Variants in FBXL18 observed in about 807,000 individuals in gnomAD.
The protein encoded by FBXL18 is F-box and leucine rich repeat protein 18, also known as F-box/LRR-repeat protein 18.
FBXL18 carries 36 observed loss-of-function variants against 46.0 expected under a neutral mutation model. The ratio of observed to expected loss-of-function variants is 0.78; its 90% CI spans 0.60 to 1.03. FBXL18 has a LOEUF of 1.03. FBXL18 is among the 50% of genes least tolerant of loss of function. The pLI, the probability that FBXL18 is intolerant of heterozygous loss-of-function variation, is 0.00. For synonymous variants in FBXL18, 557 were observed against 465.3 expected (o/e 1.20, Z -2.54); for missense variants, 977 against 1,004.1 (o/e 0.97, Z 0.36).
downstream of FBXL18, among the ~76,000 whole-genome samples, chr7:5,472,446 G>A (rs554192155): frequency 8.5e-5 from 13 of 152,276 alleles, no homozygotes; most frequent in South Asian, 1.0e-3. Context: ...TTCTGGAGAC[G>A]CTTGCTCTTG....
intron 3 of FBXL18, among the ~76,000 whole-genome samples, chr7:5,498,541 C>T (rs535460045): frequency 2.6e-5 from 4 of 152,294 alleles, no homozygotes; most frequent in East Asian, 3.9e-4. Context: ...AGGCGTGAGC[C>T]GCCACGCCCG....
At chr7:5,487,176 C>T (rs4623325) in intron 4 of FBXL18, among the ~76,000 whole-genome samples, 54,102 of 152,186 alleles carry the variant, frequency 0.36, 10,322 homozygotes, top group South Asian at 0.47. Flanking sequence ...CCGGTCAGAC[C>T]CTGTCTGCAG....
In FBXL18 at chr7:5,481,974, C is replaced by T. The variant is rs567334269; in HGVS notation, c.2001-43G>A. On this transcript the variant is annotated intron_variant, in intron 4 of 4. Transcript: ENST00000382368. ...GGTCAGCGGATTACATGGGTGGCCACGGAGGGGGCGGAGCCTGCTGGGGAA... is the reference window on the plus strand; with the variant it reads ...GGTCAGCGGATTACATGGGTGGCCATGGAGGGGGCGGAGCCTGCTGGGGAA... 267 of 1,558,910 alleles carry T rather than the reference C, an allele frequency of 1.7e-4. 1 individual carries two copies. In the South Asian group the frequency reaches 2.1e-3, roughly 12 times the overall value.
At chr7:5,465,284 T>A (rs1197347877) in intron 4 of FBXL18, among the ~76,000 whole-genome samples, 3 of 151,902 alleles carry the variant, frequency 2.0e-5, no homozygotes, top group Non-Finnish European at 2.9e-5. Context: ...TACTGCAACC[T>A]CCGCCTCCCT....
Position 5,477,495 on chromosome 7 carries a change from G to C in FBXL18, c.*4280C>G, listed in dbSNP as rs891499720. ...AGGCAGGAGAATCACTTGAGGTCAG[G>C]AGTTCAAGGCCAGCCTGACCAACAT... On this transcript the variant is annotated 3_prime_UTR_variant, in exon 5 of 5. Transcript: ENST00000382368. This position sits in a 1 kb window ranked among gnomAD's most constrained non-coding sequence, Gnocchi z 4.4. Among the ~76,000 whole-genome samples the C allele has an allele frequency of 2.0e-5, 3 of 152,098 alleles. No homozygotes were observed. Among genetic ancestry groups the C allele is most frequent in the Non-Finnish European group, 4.4e-5 (3 of 68,034 alleles).
intron 1 of FBXL18, among the ~76,000 whole-genome samples, chr7:5,507,261 C>T (rs1784416904): frequency 6.6e-6 from 1 of 152,148 alleles, no homozygotes; most frequent in African/African-American, 2.4e-5. Flanking sequence ...CCTATCTGCA[C>T]ACCCCACACG....
intron 4 of FBXL18, among the ~76,000 whole-genome samples, chr7:5,465,548 C>T (rs1423990739): frequency 6.6e-6 from 1 of 152,052 alleles, no homozygotes; most frequent in Non-Finnish European, 1.5e-5. Context: ...GATCATAGCT[C>T]ACGGCAGCTT....
chr7:5,490,185 G>A lies in FBXL18; in HGVS notation c.2000+1046C>T, dbSNP rs760173974. 1.1e-5 allele frequency: 15 copies of A among 1,344,654 alleles called. No homozygotes were observed. The South Asian group carries it at 1.7e-4, about 15-fold the overall frequency. The allele number at this position is 1,344,654 out of a possible 1,614,324, so 83.3% of individuals were successfully genotyped here. ...CTTCTCGCAACTCTGTGAACAGCTG[G>A]GGCCTCCTTCCTGTCACCTCTCCCC... On this transcript the variant is annotated intron_variant, in intron 4 of 4. Coordinates refer to ENST00000382368, the MANE Select transcript of FBXL18 (RefSeq NM_024963.6).
chr7:5,502,030 G>A lies in FBXL18; in HGVS notation c.239C>T (p.Ala80Val), dbSNP rs201456080. Reference sequence around the variant, plus strand: ...CAGCTGCCTCACTTTGTCCTCGCTCGCCTGCGGGACAGAGGCAGGGTGGGG... The same window carrying A: ...CAGCTGCCTCACTTTGTCCTCGCTCACCTGCGGGACAGAGGCAGGGTGGGG... The part of the protein sequence containing the change: ...HTVLLQKDYQ[A>V]SEDKVRQLVK... Residue 80 changes from alanine to valine, a missense_variant and splice_region_variant, in exon 3 of 5, where the codon GCG becomes GTG. Physicochemically the swap from Ala to Val is moderately conservative, Grantham distance 64. Coordinates refer to ENST00000382368, the MANE Select transcript of FBXL18 (RefSeq NM_024963.6). The A allele has an allele frequency of 5.5e-4, 873 of 1,578,334 alleles. 3 individuals are homozygous for A. The highest frequency in any genetic ancestry group is 1.7e-3 in the South Asian group (144 of 86,020).
At position 5,500,688 on chromosome 7, in the gene FBXL18, G is replaced by T. The variant is rs577039942; in HGVS notation, c.1581C>A (p.Ile527=). ...QSVGDSEVAA[I]GQLAFLRHLT... is the part of the protein sequence containing the mutation. ...GGTGCCGCAGGAAGGCCAGCTGGCC[G>T]ATGGCGGCCACCTCCGAGTCCCCGA... is the stretch of plus-strand genomic sequence containing the variant. Residue 527 remains isoleucine (I), a synonymous_variant, in exon 3 of 5, where the codon ATC becomes ATA. Coordinates refer to ENST00000382368, the MANE Select transcript of FBXL18 (RefSeq NM_024963.6). 2 of 1,610,518 alleles carry T rather than the reference G, an allele frequency of 1.2e-6. No homozygotes were observed. The highest frequency in any genetic ancestry group is 4.5e-5 in the East Asian group (2 of 44,804).
At chr7:5,508,453 A>T (rs1178541171) in intron 1 of FBXL18, among the ~76,000 whole-genome samples, 2 of 151,110 alleles carry the variant, frequency 1.3e-5, no homozygotes, top group African/African-American at 4.9e-5. Flanking sequence ...AAAAAAAAAA[A>T]AAAAAATTAG....
chr7:5,505,527 C>A lies in FBXL18; in HGVS notation c.122G>T (p.Ser41Ile). The part of the protein sequence containing the change: ...FSDEILLHIL[S>I]HVPSTDLILN... ...AATCAGATCTGTGCTGGGGACGTGA[C>A]TCAGGATGTGAAGGAGGATCTCATC... The change falls in exon 2 of 5, where the codon AGT (serine) becomes ATT (isoleucine). Residue 41 changes from serine to isoleucine, a missense_variant. Coordinates refer to ENST00000382368, the MANE Select transcript of FBXL18 (RefSeq NM_024963.6). 6.2e-7 allele frequency: 1 copy of A among 1,614,140 alleles called. No individual in the cohort carries two copies. Among genetic ancestry groups the A allele is most frequent in the Non-Finnish European group, 8.5e-7 (1 of 1,180,024 alleles).
At chr7:5,488,216 C>T (rs1037182744) in intron 4 of FBXL18, among the ~76,000 whole-genome samples, 1 of 152,238 alleles carries the variant, frequency 6.6e-6, no homozygotes, top group South Asian at 2.1e-4. Flanking sequence ...GGCAAGCTCC[C>T]GGCCTGCAAG....
At chr7:5,468,402 C>T (rs897910504) in intron 4 of FBXL18, among the ~76,000 whole-genome samples, 6 of 152,290 alleles carry the variant, frequency 3.9e-5, no homozygotes, top group South Asian at 4.1e-4. Context: ...CAGGCGTGAG[C>T]CACCACGCCC....
downstream of FBXL18, among the ~76,000 whole-genome samples, chr7:5,472,545 C>G (rs540557118): frequency 4.2e-4 from 63 of 151,750 alleles, no homozygotes; most frequent in African/African-American, 1.4e-3. Context: ...GGAGAGACCA[C>G]ATGGAGGGGC....
intron 4 of FBXL18, among the ~76,000 whole-genome samples, chr7:5,488,637 C>CA (rs1312339431): frequency 1.3e-5 from 2 of 152,216 alleles, no homozygotes; most frequent in Non-Finnish European, 2.9e-5. Context: ...AACACCCACG[C>CA]AGGAGGTGGC....
chr7:5,483,859 C>A (rs937180981), intron 4 of FBXL18, among the ~76,000 whole-genome samples: 2 of 152,176 alleles, frequency 1.3e-5, no homozygotes, highest in South Asian at 4.1e-4. Flanking sequence ...AGTCAAGTCC[C>A]CCCGGCCACA....
chr7:5,495,966 G>GCCCACAAAACCCACAAAA, intron 3 of FBXL18: 1 of 454,264 alleles, frequency 2.2e-6, no homozygotes, highest in Non-Finnish European at 4.7e-6. Flanking sequence ...TCTCAGGCTG[G>GCCCACAAAACCCACAAAA]CCCACAAAAC....
chr7:5,487,919 C>T (rs529899483), intron 4 of FBXL18, among the ~76,000 whole-genome samples: 43 of 152,374 alleles, frequency 2.8e-4, no homozygotes, highest in African/African-American at 1.0e-3. Context: ...GGCACGGCTT[C>T]TGCCGAGGAA....
Sources: gnomAD v4.1 joint callset for allele counts (sites outside exome capture counted in the v4.1 genomes callset) on GRCh38, gnomAD v4.1.1 for gene constraint, Gnocchi (gnomAD v3.1) non-coding constraint, MANE v1.5 for transcripts, NCBI Gene and HGNC (gene_info 2026-07-23, HGNC 2026-07-21) for gene names.